Variants in BRAF observed in about 807,000 individuals in gnomAD.
BRAF encodes the protein serine/threonine-protein kinase B-raf.
In BRAF, 16 loss-of-function variants were observed where a neutral mutation model predicts 104.6. The observed-to-expected ratio is 0.15, with a 90% CI of 0.10 to 0.23. The LOEUF (loss-of-function observed/expected upper bound fraction) is 0.23, where lower values mean the gene tolerates loss of function less well. Ranked by LOEUF, BRAF falls within the 10% of genes least tolerant of loss-of-function variation. The probability of loss-of-function intolerance (pLI) is 1.00; values close to 1 mark genes in which losing one functional copy is unlikely to be tolerated. For missense variants in BRAF, 541 were observed against 937.3 expected, an observed-to-expected ratio of 0.58 and a Z score of 5.52; for synonymous variants, 310 against 341.6, an observed-to-expected ratio of 0.91 and a Z score of 1.02.
rs113657189 is a variant in BRAF at position 140,745,277 on chromosome 7, C to A, written c.2112+4010G>T. ...AACTTAAGATAAAAACTTTTAGATG[C>A]CAACTTAAAAAATATACAAGGAGAT... On this transcript the variant is annotated intron_variant, in intron 17 of 19. Transcript: ENST00000644969. Among the ~76,000 whole-genome samples the A allele has an allele frequency of 2.4e-3, 363 of 151,908 alleles. 2 individuals are homozygous for A. The highest frequency in any genetic ancestry group is 4.6e-3 in the Non-Finnish European group (311 of 67,958).
At chr7:140,741,688 G>A (rs1311128334) in intron 17 of BRAF, 3 of 152,190 alleles carry the variant, frequency 2.0e-5, no homozygotes, top group Non-Finnish European at 4.4e-5. Flanking sequence ...GCCAGGCGTG[G>A]TGACTCACGC....
intron 3 of BRAF, among the ~76,000 whole-genome samples, chr7:140,821,294 ATTTTTTTT>A (rs58690200): frequency 1.4e-5 from 1 of 73,922 alleles, no homozygotes; most frequent in African/African-American, 5.4e-5. Context: ...TCTGAATTAC[ATTTTTTTT>A]TTTTTTTTTT....
chr7:140,840,241 A>G (rs59232128), intron 2 of BRAF, among the ~76,000 whole-genome samples: 14,006 of 152,196 alleles, frequency 0.092, 733 homozygotes, highest in African/African-American at 0.15. Flanking sequence ...AACTCTTAGG[A>G]AAAAAACACA....
chr7:140,856,325 G>A (rs1809774912), intron 1 of BRAF, among the ~76,000 whole-genome samples: 1 of 151,992 alleles, frequency 6.6e-6, no homozygotes, highest in Non-Finnish European at 1.5e-5. Context: ...ATGGTTGAAA[G>A]AATCACAGTA....
rs577616802 is a variant in BRAF, at chr7:140,797,484, G to C, written c.980+2878C>G. ...GCAAAAGAGTTTTGATACTGAACAA[G>C]ATTGGCTTCTATCTTTACAGAGACA... On this transcript the variant is annotated intron_variant, in intron 7 of 19. Transcript: ENST00000644969. 2.6e-3 allele frequency among the ~76,000 whole-genome samples: 395 copies of C among 152,250 alleles called. 1 individual carries two copies. Among genetic ancestry groups the C allele is most frequent in the Middle Eastern group, 0.014 (4 of 294 alleles).
intron 9 of BRAF, among the ~76,000 whole-genome samples, chr7:140,786,951 G>A (rs959102832): frequency 2.6e-5 from 4 of 152,128 alleles, no homozygotes; most frequent in Non-Finnish European, 4.4e-5. Flanking sequence ...CATCCTGAAC[G>A]TGTCCGATCT....
At chr7:140,872,848 A>C (rs1254798673) in intron 1 of BRAF, among the ~76,000 whole-genome samples, 1 of 152,090 alleles carries the variant, frequency 6.6e-6, no homozygotes, top group Non-Finnish European at 1.5e-5. Context: ...GGGTGCTTGG[A>C]GGGATACAAA....
chr7:140,738,175 C>G (rs1184938769), intron 18 of BRAF, among the ~76,000 whole-genome samples: 1 of 152,210 alleles, frequency 6.6e-6, no homozygotes, highest in Non-Finnish European at 1.5e-5. Context: ...CTCAAAGGAA[C>G]AGTAACTTTG....
chr7:140,809,283 C>A (rs1485260714), intron 3 of BRAF, among the ~76,000 whole-genome samples: 1 of 152,094 alleles, frequency 6.6e-6, no homozygotes, highest in South Asian at 2.1e-4. Flanking sequence ...AATATACCCA[C>A]CAACGCAGTA....
chr7:140,827,058 G>C (rs1806139407), intron 3 of BRAF, among the ~76,000 whole-genome samples: 1 of 152,076 alleles, frequency 6.6e-6, no homozygotes, highest in Non-Finnish European at 1.5e-5. Context: ...GTTTCCTCAT[G>C]GTGCTTACCT....
At chr7:140,863,309 T>C (rs1289771316) in intron 1 of BRAF, among the ~76,000 whole-genome samples, 2 of 152,122 alleles carry the variant, frequency 1.3e-5, no homozygotes, top group Non-Finnish European at 2.9e-5. Context: ...CAAAAAGCCA[T>C]GTTTCCAACT....
chr7:140,896,226 G>A (rs1814880282), intron 1 of BRAF, among the ~76,000 whole-genome samples: 1 of 152,084 alleles, frequency 6.6e-6, no homozygotes, highest in Non-Finnish European at 1.5e-5. Flanking sequence ...CTTACAGGTA[G>A]GTCTTTGATC....
At chr7:140,921,491 G>A (rs1818216767) in intron 1 of BRAF, among the ~76,000 whole-genome samples, 1 of 151,962 alleles carries the variant, frequency 6.6e-6, no homozygotes, top group Non-Finnish European at 1.5e-5. Flanking sequence ...TTTGATGGCA[G>A]TAAAAAATTA....
chr7:140,816,144 C>A (rs1443748823), intron 3 of BRAF, among the ~76,000 whole-genome samples: 6 of 152,152 alleles, frequency 3.9e-5, no homozygotes, highest in Non-Finnish European at 8.8e-5. Flanking sequence ...TACGTACCAA[C>A]CTGAGCTAAT....
chr7:140,850,182 T>C lies in BRAF; in HGVS notation c.169A>G (p.Thr57Ala). ...VWNIKQMIKL[T>A]QEHIEALLDK... ...AATAGGGCCTCTATATGTTCCTGTG[T>C]CAACTTAATCATTTGTTTGATATTC... Residue 57 changes from threonine to alanine, a missense_variant, in exon 2 of 20, where the codon ACA becomes GCA. This residue lies in a region of BRAF where 86 missense variants were observed against 133.9 expected (regional missense o/e 0.64). Transcript: ENST00000644969. 2.5e-6 allele frequency: 4 copies of C among 1,611,366 alleles called. No homozygotes were observed. In the South Asian group the frequency reaches 4.4e-5, roughly 18 times the overall value.
intron 2 of BRAF, among the ~76,000 whole-genome samples, chr7:140,842,140 AT>A (rs1808035716): frequency 6.6e-6 from 1 of 152,108 alleles, no homozygotes; most frequent in Non-Finnish European, 1.5e-5. Flanking sequence ...TAGGTTCTAT[AT>A]AGACTAAAAA....
intron 3 of BRAF, among the ~76,000 whole-genome samples, chr7:140,825,242 A>G (rs1474666600): frequency 6.6e-6 from 1 of 152,138 alleles, no homozygotes; most frequent in Non-Finnish European, 1.5e-5. Context: ...TGCTGGGATT[A>G]CAGGCATGAG....
chr7:140,818,560 G>A lies in BRAF; in HGVS notation c.505-9565C>T, dbSNP rs182483184. Among the ~76,000 whole-genome samples the A allele has an allele frequency of 1.6e-4, 25 of 152,184 alleles. 1 individual carries two copies. The highest frequency in any genetic ancestry group is 2.6e-4 in the Admixed American group (4 of 15,288). On this transcript the variant is annotated intron_variant, in intron 3 of 19. Transcript: ENST00000644969. ...ACTCCTGACCTCAGGTGATCCGCCC[G>A]CCTTGGCCTCCCAAAGTGCTAGGAT... is the stretch of plus-strand genomic sequence containing the variant.
intron 1 of BRAF, among the ~76,000 whole-genome samples, chr7:140,918,685 A>T (rs1244737835): frequency 6.6e-6 from 1 of 152,218 alleles, no homozygotes; most frequent in East Asian, 1.9e-4. Flanking sequence ...AAAGAATAGA[A>T]TGTTACAGAA....
Sources: allele counts gnomAD v4.1 joint callset (sites outside exome capture counted in the v4.1 genomes callset), GRCh38; gene constraint gnomAD v4.1.1; regional missense constraint gnomAD v4.1.1; transcripts MANE v1.5; gene names NCBI Gene and HGNC (gene_info 2026-07-23, HGNC 2026-07-21).